The following LRMDA variants were observed in gnomAD, a reference collection of about 807,000 sequenced individuals.
LRMDA encodes the protein leucine rich melanocyte differentiation associated.
In LRMDA, 18 loss-of-function variants were observed where a neutral mutation model predicts 29.8. The observed-to-expected ratio is 0.60, with a 90% confidence interval of 0.42 to 0.90. The LOEUF (loss-of-function observed/expected upper bound fraction) is 0.90, where lower values mean the gene tolerates loss of function less well. Among genes scored for constraint, LRMDA ranks in the 40% least tolerant of loss-of-function variants. LRMDA has a pLI of 0.00. For synonymous variants in LRMDA, 125 were observed against 109.4 expected, an observed-to-expected ratio of 1.14 and a Z score of -0.89; for missense variants, 273 against 273.9, an observed-to-expected ratio of 1.00 and a Z score of 0.02.
intron 2 of LRMDA, among the ~76,000 whole-genome samples, chr10:75,817,637 C>G (rs977673413): frequency 1.3e-5 from 2 of 152,118 alleles, no homozygotes; most frequent in Non-Finnish European, 2.9e-5. Flanking sequence ...TGTAAAGACA[C>G]AAAGACAATG....
At chr10:76,084,967 A>T (rs1330981479) in intron 5 of LRMDA, among the ~76,000 whole-genome samples, 1 of 152,216 alleles carries the variant, frequency 6.6e-6, no homozygotes, top group Non-Finnish European at 1.5e-5. Context: ...ACTCAGCACA[A>T]GCTCTTTCAG....
intron 2 of LRMDA, among the ~76,000 whole-genome samples, chr10:75,496,633 G>T (rs1341296899): frequency 6.6e-6 from 1 of 152,086 alleles, no homozygotes; most frequent in Non-Finnish European, 1.5e-5. Flanking sequence ...TATGTGAGAT[G>T]GGTATACCAT....
intron 2 of LRMDA, among the ~76,000 whole-genome samples, chr10:75,881,998 G>A (rs1053141008): frequency 2.6e-5 from 4 of 152,212 alleles, no homozygotes; most frequent in African/African-American, 9.6e-5. Flanking sequence ...TTTTCCTGAT[G>A]AAGTGTTGGC....
intron 2 of LRMDA, among the ~76,000 whole-genome samples, chr10:75,569,014 GCTC>G (rs1008839079): frequency 6.6e-6 from 1 of 152,088 alleles, no homozygotes; most frequent in African/African-American, 2.4e-5. Context: ...AGGGTGCTGG[GCTC>G]CTCTTTGTTG....
At chr10:76,037,837 C>T (rs553058869) in intron 3 of LRMDA, among the ~76,000 whole-genome samples, 1 of 152,202 alleles carries the variant, frequency 6.6e-6, no homozygotes, top group Non-Finnish European at 1.5e-5. Context: ...GAGGGAAGAA[C>T]AAACATTCAG....
At chr10:76,281,637 AG>A (rs1239387638) in intron 5 of LRMDA, among the ~76,000 whole-genome samples, 1 of 152,164 alleles carries the variant, frequency 6.6e-6, no homozygotes, top group African/African-American at 2.4e-5. Flanking sequence ...AATTATGAAA[AG>A]GGCCCTCTGC....
intron 2 of LRMDA, among the ~76,000 whole-genome samples, chr10:75,451,921 T>C (rs1844466863): frequency 6.6e-6 from 1 of 151,872 alleles, no homozygotes; most frequent in South Asian, 2.1e-4. Flanking sequence ...TATGTGTGTG[T>C]TCTAAGTCTC....
chr10:76,186,767 A>G (rs1423468079), intron 5 of LRMDA, among the ~76,000 whole-genome samples: 5 of 152,160 alleles, frequency 3.3e-5, no homozygotes, highest in Admixed American at 2.6e-4. Context: ...CCCTGCCCTC[A>G]TGGAACTGAC....
chr10:76,335,788 T>G (rs1840960475), intron 6 of LRMDA, among the ~76,000 whole-genome samples: 1 of 152,156 alleles, frequency 6.6e-6, no homozygotes, highest in Non-Finnish European at 1.5e-5. Context: ...GGCATTATCA[T>G]GCAGATGAAG....
intron 5 of LRMDA, among the ~76,000 whole-genome samples, chr10:76,146,171 AT>A (rs1564666150): frequency 6.6e-6 from 1 of 152,128 alleles, no homozygotes; most frequent in Non-Finnish European, 1.5e-5. Flanking sequence ...TATTCCGTTG[AT>A]TTGGGGTGGA....
intron 5 of LRMDA, among the ~76,000 whole-genome samples, chr10:76,180,303 T>G (rs866847163): frequency 4.0e-3 from 495 of 123,676 alleles, no homozygotes; most frequent in African/African-American, 0.016. Flanking sequence ...TTTTTTTTTT[T>G]GAGACAGAGT....
intron 5 of LRMDA, among the ~76,000 whole-genome samples, chr10:76,262,402 C>T (rs143991873): frequency 5.9e-5 from 9 of 152,226 alleles, no homozygotes; most frequent in Non-Finnish European, 1.2e-4. Context: ...AATGATTCTC[C>T]GTGAAAAGAA....
intron 3 of LRMDA, among the ~76,000 whole-genome samples, chr10:76,038,552 T>C (rs1848289250): frequency 6.6e-6 from 1 of 152,244 alleles, no homozygotes; most frequent in South Asian, 2.1e-4. Flanking sequence ...GCTCTACTAA[T>C]GTGATTGTGA....
chr10:76,345,852 A>T (rs897069062), intron 6 of LRMDA, among the ~76,000 whole-genome samples: 1 of 152,244 alleles, frequency 6.6e-6, no homozygotes, highest in African/African-American at 2.4e-5. Context: ...AGTAAAATAC[A>T]TACAAAAATT....
At position 75,461,773 on chromosome 10, in the gene LRMDA, G is replaced by C. The variant is rs547056965; in HGVS notation, c.131+23279G>C. On this transcript the variant is annotated intron_variant, in intron 2 of 6. Transcript: ENST00000611255. ...AACACCTCGTGGGGAGGGGAAAGCT[G>C]TTTTTCACTCAAGGCTGGCTCACTT... is the stretch of plus-strand genomic sequence containing the variant. Among the ~76,000 whole-genome samples, 19 of 152,300 alleles carry C rather than the reference G, an allele frequency of 1.2e-4. 1 individual carries two copies. In the South Asian group the frequency reaches 3.7e-3, roughly 30 times the overall value.
At chr10:75,554,115 T>C (rs909709532) in intron 2 of LRMDA, among the ~76,000 whole-genome samples, 1 of 152,296 alleles carries the variant, frequency 6.6e-6, no homozygotes, top group South Asian at 2.1e-4. Context: ...ACCATTTGCC[T>C]TGCAACCTCA....
chr10:76,087,625 T>TGCCA (rs1849158632), intron 5 of LRMDA, among the ~76,000 whole-genome samples: 1 of 152,102 alleles, frequency 6.6e-6, no homozygotes. Context: ...CTAAGGGGGA[T>TGCCA]GCCAGAGGTA....
intron 2 of LRMDA, among the ~76,000 whole-genome samples, chr10:75,471,809 C>T (rs977924174): frequency 1.3e-5 from 2 of 152,208 alleles, no homozygotes; most frequent in East Asian, 1.9e-4. Context: ...TCCCTCTTGT[C>T]CCCTAAAAGG....
intron 5 of LRMDA, among the ~76,000 whole-genome samples, chr10:76,314,898 T>C (rs1301598575): frequency 6.6e-6 from 1 of 152,228 alleles, no homozygotes; most frequent in Non-Finnish European, 1.5e-5. Flanking sequence ...GATAGTTTTA[T>C]TTACTTAGCA....
Sources: allele counts gnomAD v4.1 joint callset (sites outside exome capture counted in the v4.1 genomes callset), GRCh38; gene constraint gnomAD v4.1.1; transcripts MANE v1.5; gene names NCBI Gene and HGNC (gene_info 2026-07-23, HGNC 2026-07-21).